ZNF202: variants seen among roughly 807,000 people sequenced by gnomAD.
ZNF202 encodes zinc finger protein with KRAB and SCAN domains 10.
In ZNF202, 22 loss-of-function variants were observed where a neutral mutation model predicts 54.5. That is an observed-to-expected ratio of 0.40 (90% CI 0.29 to 0.58). ZNF202 has a LOEUF of 0.58. Among genes scored for constraint, ZNF202 ranks in the 20% least tolerant of loss-of-function variants. The pLI is 0.39. For missense variants in ZNF202, 644 were observed against 805.5 expected, an observed-to-expected ratio of 0.80 and a Z score of 2.43; for synonymous variants, 294 against 301.4, an observed-to-expected ratio of 0.98 and a Z score of 0.26.
chr11:123,726,408 A>G lies in ZNF202; in HGVS notation c.1536T>C (p.Thr512=). The change falls in exon 9 of 9, where the codon ACT becomes ACC. Residue 512 remains threonine (T), a synonymous_variant. Coordinates refer to ENST00000530393, the MANE Select transcript of ZNF202 (RefSeq NM_003455.4). The surrounding 1 kb of genome is among the most constrained non-coding windows in gnomAD (Gnocchi z 6.0). Reference sequence around the variant, plus strand: ...TCTGGCTGAAGCTTTTGCCACAAATAGTACAAAAGAAGGGTTTTTCTCCAG... The same window carrying G: ...TCTGGCTGAAGCTTTTGCCACAAATGGTACAAAAGAAGGGTTTTTCTCCAG... ...THTGEKPFFC[T]ICGKSFSQKS... 1 of 1,614,258 alleles carries G rather than the reference A, an allele frequency of 6.2e-7. No individual in the cohort carries two copies. The highest frequency in any genetic ancestry group is 8.5e-7 in the Non-Finnish European group (1 of 1,180,048).
intron 1 of ZNF202, among the ~76,000 whole-genome samples, chr11:123,741,230 T>G (rs1219729834): frequency 1.3e-5 from 2 of 151,476 alleles, no homozygotes; most frequent in African/African-American, 4.9e-5. Context: ...CGTTAGGAGG[T>G]ACGAGGTACG....
Position 123,730,272 on chromosome 11 carries a change from C to T in ZNF202, c.402+215G>A, listed in dbSNP as rs1006037075. ...AGCCATGACCCTTTGGTGGCTGAGACCCCTCAGATGGTCCCTATACAGGTG... is the reference window on the plus strand; with the variant it reads ...AGCCATGACCCTTTGGTGGCTGAGATCCCTCAGATGGTCCCTATACAGGTG... On this transcript the variant is annotated intron_variant, in intron 4 of 8. Transcript: ENST00000530393. This position sits in a 1 kb window ranked among gnomAD's most constrained non-coding sequence, Gnocchi z 6.0. Among the ~76,000 whole-genome samples the T allele has an allele frequency of 1.3e-5, 2 of 152,162 alleles. No individual in the cohort carries two copies. The highest frequency in any genetic ancestry group is 4.8e-5 in the African/African-American group (2 of 41,436).
chr11:123,733,809 C>T (rs1861514825), intron 3 of ZNF202, among the ~76,000 whole-genome samples: 1 of 152,166 alleles, frequency 6.6e-6, no homozygotes, highest in South Asian at 2.1e-4. Context: ...TAATGTTTGG[C>T]CTACCCAAGG....
Position 123,730,982 on chromosome 11 carries a change from G to C in ZNF202, c.-94C>G, listed in dbSNP as rs1435930204. 3.5e-6 allele frequency: 5 copies of C among 1,446,276 alleles called. No individual in the cohort carries two copies. Among genetic ancestry groups the C allele is most frequent in the East Asian group, 2.3e-5 (1 of 43,704 alleles). The allele number at this position is 1,446,276 out of a possible 1,614,324, so 89.6% of individuals were successfully genotyped here. On this transcript the variant is annotated 5_prime_UTR_variant, in exon 4 of 9. Transcript: ENST00000530393. The surrounding 1 kb of genome is among the most constrained non-coding windows in gnomAD (Gnocchi z 6.0). Reference sequence around the variant, plus strand: ...GACACAGCGAGGATTTTCTTCCAAGGGCCCTGGATAGAGAAGTAAAGACAA... The same window carrying C: ...GACACAGCGAGGATTTTCTTCCAAGCGCCCTGGATAGAGAAGTAAAGACAA...
At chr11:123,731,561 A>G (rs897183388) in intron 3 of ZNF202, among the ~76,000 whole-genome samples, 4 of 152,228 alleles carry the variant, frequency 2.6e-5, no homozygotes, top group African/African-American at 9.6e-5. Flanking sequence ...TTATGAGCGA[A>G]AGTTCTGGAG....
intron 3 of ZNF202, 72 bp from the exon 4 acceptor site, chr11:123,731,057 AT>A (rs1861385724): frequency 2.9e-6 from 2 of 700,430 alleles, no homozygotes; most frequent in Admixed American, 6.2e-5. Context: ...CCTGAGTTCA[AT>A]CATAATCCTC....
At position 123,729,706 on chromosome 11, in the gene ZNF202, A is replaced by C. The variant is rs1206368211; in HGVS notation, c.522T>G (p.Ser174=). 1 of 1,613,452 alleles carries C rather than the reference A, an allele frequency of 6.2e-7. No individual in the cohort carries two copies. The change falls in exon 5 of 9, where the codon TCT becomes TCG. Residue 174 remains serine (S), a synonymous_variant. Transcript: ENST00000530393. ...DPVQSSTPEQ[S]PEETTQSPDL... Reference sequence around the variant, plus strand: ...CTGGGCTCTGTGTGGTTTCCTCAGGAGACTGCTCGGGGGTCGAGCTTTGCA... The same window carrying C: ...CTGGGCTCTGTGTGGTTTCCTCAGGCGACTGCTCGGGGGTCGAGCTTTGCA...
rs747324866 is a variant in ZNF202, at chr11:123,729,656, C to T, written c.572G>A (p.Arg191His). ...SPDLGAPAEQ[R>H]PHQEEELQTL... ...CTGGAGCTCCTCTTCCTGGTGTGGA[C>T]GCTGCTCTGCCGGTGCCCCCAGATC... Residue 191 changes from arginine (R) to histidine (H), a missense_variant, in exon 5 of 9, where the codon CGT becomes CAT. Transcript: ENST00000530393. The T allele has an allele frequency of 6.9e-5, 111 of 1,609,086 alleles. No individual in the cohort carries two copies. Among genetic ancestry groups the T allele is most frequent in the Non-Finnish European group, 8.7e-5 (103 of 1,177,824 alleles).
In ZNF202 at chr11:123,725,817, A is replaced by T; in HGVS notation, c.*180T>A. The T allele has an allele frequency of 2.9e-6, 2 of 687,860 alleles. No homozygotes were observed. The highest frequency in any genetic ancestry group is 4.7e-6 in the Non-Finnish European group (2 of 426,114). The allele number at this position is 687,860 out of a possible 1,614,324, so 42.6% of individuals were successfully genotyped here. On this transcript the variant is annotated 3_prime_UTR_variant, in exon 9 of 9. Coordinates refer to ENST00000530393, the MANE Select transcript of ZNF202 (RefSeq NM_003455.4). The stretch of plus-strand genomic sequence containing the variant: ...GATGAAACATCCCCTCAAGGCGTAG[A>T]GGAAGGCTGAGAGGTTCTGCCCAGG...
Position 123,728,253 on chromosome 11 carries a change from T to C in ZNF202, c.712A>G (p.Thr238Ala), listed in dbSNP as rs780982552. Residue 238 changes from threonine to alanine, a missense_variant, in exon 7 of 9, where the codon ACG (threonine) becomes GCG (alanine). This residue lies in a region of ZNF202 where 536 missense variants were observed against 635.3 expected (regional missense o/e 0.84). Coordinates refer to ENST00000530393, the MANE Select transcript of ZNF202 (RefSeq NM_003455.4). ...AAGCATACGGCCACATCCTTGAACGTTACCAGTCCCTGAAACCACATAAGG... is the reference window on the plus strand; with the variant it reads ...AAGCATACGGCCACATCCTTGAACGCTACCAGTCCCTGAAACCACATAAGG... ...LLTALSQGLVTFKDVAVCFSQ... is the reference protein window; with the variant it reads ...LLTALSQGLVAFKDVAVCFSQ... 6.2e-7 allele frequency: 1 copy of C among 1,609,372 alleles called. No individual in the cohort carries two copies. Among genetic ancestry groups the C allele is most frequent in the South Asian group, 1.1e-5 (1 of 90,510 alleles).
chr11:123,737,282 T>C (rs1861671536), intron 3 of ZNF202, among the ~76,000 whole-genome samples: 1 of 152,162 alleles, frequency 6.6e-6, no homozygotes. Context: ...GACAGCACAA[T>C]GAATGAAAGG....
At chr11:123,736,417 TA>T (rs1861635497) in intron 3 of ZNF202, among the ~76,000 whole-genome samples, 1 of 152,234 alleles carries the variant, frequency 6.6e-6, no homozygotes, top group South Asian at 2.1e-4. Context: ...ATTCTTATTT[TA>T]TACCTTAATG....
At chr11:123,738,174 C>T (rs1861710023) in intron 3 of ZNF202, among the ~76,000 whole-genome samples, 1 of 152,124 alleles carries the variant, frequency 6.6e-6, no homozygotes, top group Admixed American at 6.5e-5. Context: ...CCATGCCCAG[C>T]TAATGTTTAA....
At chr11:123,738,849 G>A (rs1861742022) in intron 3 of ZNF202, 2 of 152,200 alleles carry the variant, frequency 1.3e-5, no homozygotes, top group South Asian at 4.1e-4. Flanking sequence ...GAGATGATAA[G>A]GGATGGGATC....
intron 3 of ZNF202, among the ~76,000 whole-genome samples, chr11:123,737,189 A>C (rs1314735345): frequency 6.6e-6 from 1 of 152,106 alleles, no homozygotes; most frequent in East Asian, 1.9e-4. Context: ...AATATATCAA[A>C]GTCCTCTCCA....
chr11:123,735,227 G>A (rs537450201), intron 3 of ZNF202, among the ~76,000 whole-genome samples: 49 of 152,212 alleles, frequency 3.2e-4, no homozygotes, highest in African/African-American at 9.6e-4. Context: ...TTTGAGAACC[G>A]ACGTCCAGTG....
Position 123,730,357 on chromosome 11 carries a change from G to C in ZNF202, c.402+130C>G. 8.8e-7 allele frequency: 1 copy of C among 1,135,732 alleles called. No homozygotes were observed. The highest frequency in any genetic ancestry group is 2.6e-5 in the Admixed American group (1 of 39,138). The allele number at this position is 1,135,732 out of a possible 1,614,324, so 70.4% of individuals were successfully genotyped here. On this transcript the variant is annotated intron_variant, in intron 4 of 8. Coordinates refer to ENST00000530393, the MANE Select transcript of ZNF202 (RefSeq NM_003455.4). This position sits in a 1 kb window ranked among gnomAD's most constrained non-coding sequence, Gnocchi z 6.0. ...CATCCCCCTAATCCATGGGGCTCAT[G>C]GTATATGAGCAACCCAAGGGCAGAG...
chr11:123,729,309 G>A, intron 5 of ZNF202, 95 bp from the exon 6 acceptor site: 1 of 1,269,408 alleles, frequency 7.9e-7, no homozygotes, highest in Non-Finnish European at 1.1e-6. Flanking sequence ...GTAGGAAGGT[G>A]GCCCTATCCT....
rs141918885 is a variant in ZNF202, at chr11:123,730,072, A to G, written c.403-247T>C. ...CCCCAGCCTGGGCCCCTGTCACCCA[A>G]GGTTCCTTCCCATCTCCACCTGTCC... On this transcript the variant is annotated intron_variant, in intron 4 of 8. Coordinates refer to ENST00000530393, the MANE Select transcript of ZNF202 (RefSeq NM_003455.4). The surrounding 1 kb of genome is among the most constrained non-coding windows in gnomAD (Gnocchi z 6.0). Among the ~76,000 whole-genome samples, 14 of 152,172 alleles carry G rather than the reference A, an allele frequency of 9.2e-5. No individual in the cohort carries two copies. In the East Asian group the frequency reaches 2.1e-3, roughly 23 times the overall value.
Sources: allele counts gnomAD v4.1 joint callset (sites outside exome capture counted in the v4.1 genomes callset), GRCh38; gene constraint gnomAD v4.1.1; regional missense constraint gnomAD v4.1.1; non-coding constraint Gnocchi (gnomAD v3.1); transcripts MANE v1.5; gene names NCBI Gene and HGNC (gene_info 2026-07-23, HGNC 2026-07-21).